Variants in CSMD1 observed in about 807,000 individuals in gnomAD.
CSMD1 encodes CUB and sushi domain-containing protein 1.
Under a neutral mutation model 417.5 loss-of-function variants are expected in CSMD1, and 213 were observed. The observed-to-expected ratio is 0.51, with a 90% CI of 0.46 to 0.57. The LOEUF is 0.57. CSMD1 is among the 20% of genes least tolerant of loss of function. CSMD1 has a pLI of 0.00. For missense variants in CSMD1, 6,923 were observed against 4,529.7 expected (o/e 1.53, Z -15.17); for synonymous variants, 2,862 against 1,736.8 (o/e 1.65, Z -16.11).
chr8:3,933,555 G>C (rs1356801101), intron 5 of CSMD1, among the ~76,000 whole-genome samples: 1 of 152,098 alleles, frequency 6.6e-6, no homozygotes, highest in Non-Finnish European at 1.5e-5. Flanking sequence ...GAGAGTCCTG[G>C]CAAAACAGGA....
At chr8:4,451,686 A>G (rs1799154266) in intron 2 of CSMD1, among the ~76,000 whole-genome samples, 1 of 152,116 alleles carries the variant, frequency 6.6e-6, no homozygotes, top group South Asian at 2.1e-4. Flanking sequence ...ATGACCATGA[A>G]ATATCAGTTC....
chr8:4,106,934 T>C (rs1563132079), intron 3 of CSMD1, among the ~76,000 whole-genome samples: 2 of 152,150 alleles, frequency 1.3e-5, no homozygotes, highest in East Asian at 1.9e-4. Flanking sequence ...CCAAAACGCG[T>C]TGTGGTTCTC....
intron 7 of CSMD1, among the ~76,000 whole-genome samples, chr8:3,701,538 T>C (rs948060197): frequency 2.6e-5 from 4 of 151,812 alleles, no homozygotes; most frequent in Non-Finnish European, 5.9e-5. Flanking sequence ...TATTGGAATT[T>C]AACGATTAAG....
chr8:4,574,478 A>G (rs1026037618), intron 2 of CSMD1, among the ~76,000 whole-genome samples: 4 of 152,104 alleles, frequency 2.6e-5, no homozygotes, highest in African/African-American at 9.7e-5. Flanking sequence ...GTCCCAGTGA[A>G]ATGATCCATG....
chr8:3,540,215 T>A (rs902931453), intron 10 of CSMD1, among the ~76,000 whole-genome samples: 3 of 152,214 alleles, frequency 2.0e-5, no homozygotes, highest in African/African-American at 7.2e-5. Context: ...TTTAGGCTTA[T>A]TAAACAATGA....
At chr8:3,877,081 C>A (rs532406587) in intron 5 of CSMD1, among the ~76,000 whole-genome samples, 108 of 152,256 alleles carry the variant, frequency 7.1e-4, no homozygotes, top group African/African-American at 2.5e-3. Context: ...AAGGTTCTTA[C>A]AAGGGAGATT....
intron 2 of CSMD1, among the ~76,000 whole-genome samples, chr8:4,447,185 AATT>A (rs1419691693): frequency 6.6e-6 from 1 of 152,204 alleles, no homozygotes; most frequent in African/African-American, 2.4e-5. Flanking sequence ...GTTATTTCCC[AATT>A]ATTATGGATA....
intron 5 of CSMD1, among the ~76,000 whole-genome samples, chr8:3,854,888 C>A (rs926277023): frequency 1.3e-5 from 2 of 152,054 alleles, no homozygotes; most frequent in African/African-American, 4.8e-5. Context: ...ATTATATGGA[C>A]ATTACAATTC....
At chr8:3,809,553 G>A (rs752763265) in intron 5 of CSMD1, among the ~76,000 whole-genome samples, 5 of 152,074 alleles carry the variant, frequency 3.3e-5, no homozygotes, top group East Asian at 1.9e-4. Context: ...GCCATGCATC[G>A]GATTCACTGG....
chr8:4,450,852 G>C (rs555337283), intron 2 of CSMD1, among the ~76,000 whole-genome samples: 4 of 152,138 alleles, frequency 2.6e-5, no homozygotes, highest in East Asian at 3.9e-4. Flanking sequence ...GTGGATGTGA[G>C]AGGAACAATT....
At chr8:4,178,145 C>G (rs1199489855) in intron 3 of CSMD1, among the ~76,000 whole-genome samples, 1 of 152,138 alleles carries the variant, frequency 6.6e-6, no homozygotes, top group Non-Finnish European at 1.5e-5. Context: ...AATTTTAGAC[C>G]AATATCCTTG....
At chr8:3,980,400 T>A (rs1413812216) in intron 5 of CSMD1, among the ~76,000 whole-genome samples, 1 of 152,154 alleles carries the variant, frequency 6.6e-6, no homozygotes, top group Non-Finnish European at 1.5e-5. Context: ...CCTGGCGGCA[T>A]AAAATATTCT....
At chr8:3,685,525 G>T (rs1236585828) in intron 7 of CSMD1, among the ~76,000 whole-genome samples, 1 of 152,050 alleles carries the variant, frequency 6.6e-6, no homozygotes, top group African/African-American at 2.4e-5. Flanking sequence ...CTAAAATTAG[G>T]GGTTTATATA....
At chr8:3,174,555 G>C (rs1270648171) in intron 37 of CSMD1, among the ~76,000 whole-genome samples, 1 of 152,058 alleles carries the variant, frequency 6.6e-6, no homozygotes, top group African/African-American at 2.4e-5. Context: ...ATATTTTCTA[G>C]AAAAATTTTT....
chr8:4,315,398 C>A (rs573611098), intron 3 of CSMD1, among the ~76,000 whole-genome samples: 116 of 152,206 alleles, frequency 7.6e-4, no homozygotes, highest in African/African-American at 2.7e-3. Context: ...TGTCCCCAAG[C>A]AAGGGATGAG....
chr8:4,263,747 G>T (rs1804046133), intron 3 of CSMD1, among the ~76,000 whole-genome samples: 1 of 152,122 alleles, frequency 6.6e-6, no homozygotes, highest in Non-Finnish European at 1.5e-5. Context: ...TTATGTATGT[G>T]TTCTAGCTGA....
intron 1 of CSMD1, among the ~76,000 whole-genome samples, chr8:4,694,644 T>C (rs1237681515): frequency 6.6e-6 from 1 of 152,072 alleles, no homozygotes; most frequent in Non-Finnish European, 1.5e-5. Context: ...ATTACAGCCG[T>C]GAGTCACCGC....
chr8:4,892,174 G>A (rs915446476), intron 1 of CSMD1, among the ~76,000 whole-genome samples: 1 of 152,036 alleles, frequency 6.6e-6, no homozygotes, highest in African/African-American at 2.4e-5. Context: ...TTTCATTAAG[G>A]CATAATTGAA....
At chr8:4,489,363 C>T (rs1175914784) in intron 2 of CSMD1, among the ~76,000 whole-genome samples, 21 of 152,234 alleles carry the variant, frequency 1.4e-4, no homozygotes, top group Non-Finnish European at 1.5e-5. Flanking sequence ...TGCTTACACA[C>T]ATCCATGTAT....
Sources: allele counts gnomAD v4.1 joint callset (sites outside exome capture counted in the v4.1 genomes callset), GRCh38; gene constraint gnomAD v4.1.1; transcripts MANE v1.5; gene names NCBI Gene and HGNC (gene_info 2026-07-23, HGNC 2026-07-21).